The following CPVL variants were observed in gnomAD, a reference collection of about 807,000 sequenced individuals.
The protein encoded by CPVL is probable serine carboxypeptidase CPVL.
CPVL carries 51 observed loss-of-function variants against 63.7 expected under a neutral mutation model. The ratio of observed to expected loss-of-function variants is 0.80; its 90% CI spans 0.64 to 1.01. CPVL has a LOEUF of 1.01. CPVL is among the 50% of genes least tolerant of loss of function. CPVL has a pLI of 0.00. For synonymous variants in CPVL, 195 were observed against 206.0 expected (o/e 0.95, Z 0.46); for missense variants, 530 against 573.1 (o/e 0.92, Z 0.77).
chr7:29,104,505 C>T (rs1323457734), intron 3 of CPVL, among the ~76,000 whole-genome samples: 3 of 152,214 alleles, frequency 2.0e-5, no homozygotes, highest in African/African-American at 7.2e-5. Context: ...AAGTGATCCA[C>T]CTGCTTTGGC....
chr7:29,051,939 T>C (rs544752265), intron 11 of CPVL, among the ~76,000 whole-genome samples: 7,443 of 87,592 alleles, frequency 0.085, 219 homozygotes, highest in Non-Finnish European at 0.14. Flanking sequence ...ATTCCAAATA[T>C]ATATATGAAT....
At chr7:29,083,301 T>A (rs1249452632) in intron 7 of CPVL, among the ~76,000 whole-genome samples, 2 of 152,236 alleles carry the variant, frequency 1.3e-5, no homozygotes, top group African/African-American at 4.8e-5. Flanking sequence ...ACTTGGATCT[T>A]CCTCTGGAGA....
intron 12 of CPVL, chr7:29,010,558 A>G (rs1389988776): frequency 6.6e-6 from 1 of 152,190 alleles, no homozygotes; most frequent in Non-Finnish European, 1.5e-5. Context: ...CTACCTTTTG[A>G]CAAGACAGTC....
intron 1 of CPVL, among the ~76,000 whole-genome samples, chr7:29,134,937 A>G (rs1247443268): frequency 1.4e-4 from 21 of 151,982 alleles, no homozygotes; most frequent in East Asian, 1.9e-4. Context: ...TCATTTCTAC[A>G]AAAAAGGTTT....
At chr7:29,053,919 AAAAG>A (rs1790451548) in intron 11 of CPVL, among the ~76,000 whole-genome samples, 1 of 151,882 alleles carries the variant, frequency 6.6e-6, no homozygotes, top group South Asian at 2.1e-4. Context: ...AGAAAAAAGA[AAAAG>A]AAAAGCCAAC....
intron 2 of CPVL, among the ~76,000 whole-genome samples, chr7:29,116,004 G>GTTT (rs1788743473): frequency 6.6e-6 from 1 of 152,168 alleles, no homozygotes; most frequent in African/African-American, 2.4e-5. Flanking sequence ...CAGGAGGTTG[G>GTTT]AAAGTGGGGA....
At chr7:29,002,754 G>A (rs1481002845) in intron 12 of CPVL, among the ~76,000 whole-genome samples, 2 of 151,312 alleles carry the variant, frequency 1.3e-5, no homozygotes, top group East Asian at 1.9e-4. Flanking sequence ...TTAAGAACTC[G>A]ATCGATGTTT....
intron 11 of CPVL, among the ~76,000 whole-genome samples, chr7:29,044,892 C>A (rs892809703): frequency 1.3e-5 from 2 of 152,192 alleles, no homozygotes; most frequent in African/African-American, 4.8e-5. Flanking sequence ...CTGAACCACT[C>A]TCACCATGCC....
At chr7:29,011,368 G>A (rs1785812237) in intron 12 of CPVL, 1 of 152,384 alleles carries the variant, frequency 6.6e-6, no homozygotes, top group African/African-American at 2.4e-5. Context: ...GAGCTCAGGA[G>A]TTTGAAACCA....
At chr7:29,096,984 C>CAAAAAAAAAAAAAAAAAAAAA in intron 3 of CPVL, among the ~76,000 whole-genome samples, 1 of 51,192 alleles carries the variant, frequency 2.0e-5, no homozygotes, top group Non-Finnish European at 3.8e-5. Flanking sequence ...GACTCTGTCT[C>CAAAAAAAAAAAAAAAAAAAAA]AAAAAAAAAA....
chr7:29,071,299 T>C (rs919825302), intron 9 of CPVL, among the ~76,000 whole-genome samples: 8 of 152,228 alleles, frequency 5.3e-5, no homozygotes, highest in Admixed American at 3.9e-4. Flanking sequence ...CTACACTTTA[T>C]AATCTTTGTT....
At chr7:29,177,718 C>T (rs1797550034) in intron 5 of CPVL, among the ~76,000 whole-genome samples, 1 of 152,084 alleles carries the variant, frequency 6.6e-6, no homozygotes, top group Non-Finnish European at 1.5e-5. Flanking sequence ...ATCCATCCAT[C>T]CACTTTACCA....
At chr7:29,191,545 G>C (rs962535150) in intron 1 of CPVL, 1 of 152,224 alleles carries the variant, frequency 6.6e-6, no homozygotes, top group Non-Finnish European at 1.5e-5. Context: ...GGAAAGGTAA[G>C]TTTGGAAGGC....
chr7:29,154,329 A>G (rs1160774731), intron 5 of CPVL, among the ~76,000 whole-genome samples: 1 of 152,194 alleles, frequency 6.6e-6, no homozygotes, highest in Non-Finnish European at 1.5e-5. Context: ...TATGCAGTGA[A>G]TCAGCCTCTA....
At chr7:29,042,479 C>T (rs1789203710) in intron 11 of CPVL, among the ~76,000 whole-genome samples, 1 of 152,022 alleles carries the variant, frequency 6.6e-6, no homozygotes, top group Non-Finnish European at 1.5e-5. Context: ...GCAGCATGCT[C>T]CTGTAGTCCC....
At chr7:29,068,035 C>T (rs1365855777) in intron 9 of CPVL, among the ~76,000 whole-genome samples, 14 of 148,468 alleles carry the variant, frequency 9.4e-5, no homozygotes, top group African/African-American at 3.0e-4. Flanking sequence ...GATGGAGTCT[C>T]GCACTGTCAC....
intron 1 of CPVL, among the ~76,000 whole-genome samples, chr7:29,144,617 T>C (rs990907935): frequency 2.8e-4 from 42 of 152,150 alleles, no homozygotes; most frequent in African/African-American, 9.9e-4. Context: ...AATAAACAGA[T>C]ATCTGATGAT....
chr7:29,185,477 A>G (rs1048005080), intron 3 of CPVL: 1 of 152,164 alleles, frequency 6.6e-6, no homozygotes, highest in African/African-American at 2.4e-5. Flanking sequence ...ACCAGAGACA[A>G]TCCCGGCAAA....
At chr7:29,144,681 C>G (rs1792265746) in intron 1 of CPVL, among the ~76,000 whole-genome samples, 2 of 152,090 alleles carry the variant, frequency 1.3e-5, no homozygotes. Context: ...TCTGTGCATC[C>G]CAGGGTAGTA....
Sources: gnomAD v4.1 joint callset for allele counts (sites outside exome capture counted in the v4.1 genomes callset) on GRCh38, gnomAD v4.1.1 for gene constraint, MANE v1.5 for transcripts, NCBI Gene and HGNC (gene_info 2026-07-23, HGNC 2026-07-21) for gene names.